MMD: variants seen among roughly 807,000 people sequenced by gnomAD.
The protein encoded by MMD is monocyte to macrophage differentiation factor.
A neutral mutation model predicts 33.6 loss-of-function variants in MMD; 22 were observed. The ratio of observed to expected loss-of-function variants is 0.66; its 90% confidence interval spans 0.47 to 0.94. The LOEUF is 0.94. Ranked by LOEUF, MMD falls within the 40% of genes least tolerant of loss-of-function variation. The pLI is 0.00. For synonymous variants in MMD, 97 were observed against 103.2 expected (o/e 0.94, Z 0.36); for missense variants, 242 against 309.8 (o/e 0.78, Z 1.64).
chr17:55,395,031 A>G (rs993561009), intron 6 of MMD, among the ~76,000 whole-genome samples: 3 of 152,230 alleles, frequency 2.0e-5, no homozygotes, highest in African/African-American at 7.2e-5. Context: ...ATGTGAGCTT[A>G]TAGATTCCTT....
At chr17:55,400,107 T>G (rs1022922214) in intron 6 of MMD, among the ~76,000 whole-genome samples, 1 of 152,200 alleles carries the variant, frequency 6.6e-6, no homozygotes, top group African/African-American at 2.4e-5. Flanking sequence ...GCTAGGTAAT[T>G]ATTAAAGCCA....
intron 4 of MMD, among the ~76,000 whole-genome samples, chr17:55,405,423 G>A (rs1289823599): frequency 6.6e-6 from 1 of 150,666 alleles, no homozygotes; most frequent in African/African-American, 2.4e-5. Context: ...AACAAATGTT[G>A]TCCTGATTAT....
intron 1 of MMD, among the ~76,000 whole-genome samples, chr17:55,416,817 A>G (rs1383846876): frequency 6.6e-6 from 1 of 152,212 alleles, no homozygotes; most frequent in Non-Finnish European, 1.5e-5. Context: ...TGGTTACTCA[A>G]TGCTTGAGTA....
intron 6 of MMD, among the ~76,000 whole-genome samples, chr17:55,399,882 T>A (rs540684109): frequency 1.3e-5 from 2 of 152,332 alleles, no homozygotes; most frequent in South Asian, 4.1e-4. Context: ...TTTAGGCTAG[T>A]AAAATTACTG....
At chr17:55,418,509 A>T (rs1382880709) in intron 1 of MMD, among the ~76,000 whole-genome samples, 3 of 152,206 alleles carry the variant, frequency 2.0e-5, no homozygotes, top group African/African-American at 7.2e-5. Context: ...CCCGAATCTC[A>T]CACACACACA....
intron 1 of MMD, among the ~76,000 whole-genome samples, chr17:55,419,206 T>A (rs1168599067): frequency 6.6e-6 from 1 of 152,264 alleles, no homozygotes; most frequent in Non-Finnish European, 1.5e-5. Flanking sequence ...AATATACAAG[T>A]GCCCAGCCAG....
At chr17:55,418,992 G>C (rs915465641) in intron 1 of MMD, among the ~76,000 whole-genome samples, 1 of 152,162 alleles carries the variant, frequency 6.6e-6, no homozygotes, top group Non-Finnish European at 1.5e-5. Flanking sequence ...ACACAGATGT[G>C]GTGTGGGCAG....
At chr17:55,411,217 A>G in intron 3 of MMD, 40 bp downstream of exon 3, 1 of 1,582,602 alleles carries the variant, frequency 6.3e-7, no homozygotes, top group South Asian at 1.2e-5. Context: ...CGTTGAGTCA[A>G]CTATTTGGAT....
chr17:55,406,187 G>T (rs914536701), intron 4 of MMD, among the ~76,000 whole-genome samples: 2 of 151,840 alleles, frequency 1.3e-5, no homozygotes, highest in Admixed American at 6.6e-5. Context: ...TTGAGGTCAG[G>T]AGTTTGAGAC....
chr17:55,407,989 C>T (rs1423404516), intron 3 of MMD, among the ~76,000 whole-genome samples, 169 bp from the exon 4 acceptor site: 1 of 152,096 alleles, frequency 6.6e-6, no homozygotes, highest in Admixed American at 6.5e-5. Flanking sequence ...TATGAAGTCA[C>T]GAGTAAAAGC....
At chr17:55,403,358 C>G (rs1483490693) in intron 5 of MMD, among the ~76,000 whole-genome samples, 1 of 152,068 alleles carries the variant, frequency 6.6e-6, no homozygotes, top group African/African-American at 2.4e-5. Context: ...TTTGGAATAC[C>G]CTCTAGGCCC....
chr17:55,421,247 C>T (rs1000507294), intron 1 of MMD, among the ~76,000 whole-genome samples: 3 of 152,254 alleles, frequency 2.0e-5, no homozygotes, highest in Non-Finnish European at 2.9e-5. Flanking sequence ...AGACCCCCAC[C>T]CTGGAGGTAA....
chr17:55,421,531 A>G (rs1908189099), intron 1 of MMD, 139 bp downstream of exon 1: 1 of 1,226,686 alleles, frequency 8.2e-7, no homozygotes, highest in Non-Finnish European at 1.1e-6. Context: ...GGGAATCCCC[A>G]GGGAACTGAT....
At position 55,393,871 on chromosome 17, in the gene MMD, CCAT is replaced by C. The variant is rs1907006870; in HGVS notation, c.*460_*462del. On this transcript the variant is annotated 3_prime_UTR_variant, in exon 7 of 7. Transcript: ENST00000262065. ...ACTAAAGTTTCTATTTAAAAAAGAACCATGTTATGCCAAGATGAAACATGGTAA... is the reference window on the plus strand; with the variant it reads ...ACTAAAGTTTCTATTTAAAAAAGAACGTTATGCCAAGATGAAACATGGTAA... 6.5e-6 allele frequency: 1 copy of C among 152,752 alleles called. No homozygotes were observed. The highest frequency in any genetic ancestry group is 2.4e-5 in the African/African-American group (1 of 41,546). 9.5% of individuals were successfully genotyped at this position (152,752 alleles called of 1,614,324 possible). A position where few individuals can be genotyped will look rare whatever the true frequency, so the allele number is the denominator to read the frequency against.
chr17:55,414,555 TTCACACAC>T (rs1907893393), intron 1 of MMD, among the ~76,000 whole-genome samples: 1 of 58,518 alleles, frequency 1.7e-5, no homozygotes, highest in African/African-American at 7.7e-5. Context: ...TCCTCCTCCA[TTCACACAC>T]ACACACACAC....
At chr17:55,421,329 A>G (rs1313288786) in intron 1 of MMD, among the ~76,000 whole-genome samples, 1 of 152,174 alleles carries the variant, frequency 6.6e-6, no homozygotes, top group Non-Finnish European at 1.5e-5. Context: ...GTTCCCAGAG[A>G]GAGCCAGAGC....
At chr17:55,395,352 G>A (rs1907060002) in intron 6 of MMD, among the ~76,000 whole-genome samples, 1 of 152,226 alleles carries the variant, frequency 6.6e-6, no homozygotes, top group Admixed American at 6.5e-5. Flanking sequence ...GATTTCTGAG[G>A]ACTAGGAATA....
At chr17:55,400,623 C>G (rs1462917149) in intron 6 of MMD, among the ~76,000 whole-genome samples, 1 of 151,674 alleles carries the variant, frequency 6.6e-6, no homozygotes, top group Non-Finnish European at 1.5e-5. Flanking sequence ...TACAGTTCTT[C>G]TGAACAATGT....
At chr17:55,411,591 G>A (rs1049418172) in intron 2 of MMD, among the ~76,000 whole-genome samples, 174 bp from the exon 3 acceptor site, 1 of 152,138 alleles carries the variant, frequency 6.6e-6, no homozygotes, top group Admixed American at 6.5e-5. Context: ...CTGCTACACT[G>A]GAAAGCAGGT....
Sources: allele counts gnomAD v4.1 joint callset (sites outside exome capture counted in the v4.1 genomes callset), GRCh38; gene constraint gnomAD v4.1.1; transcripts MANE v1.5; gene names NCBI Gene and HGNC (gene_info 2026-07-23, HGNC 2026-07-21).